The following AUH variants were observed in gnomAD, a reference collection of about 807,000 sequenced individuals.
AUH encodes the protein methylglutaconyl-CoA hydratase, mitochondrial.
In AUH, 29 loss-of-function variants were observed where a neutral mutation model predicts 42.3. The ratio of observed to expected loss-of-function variants is 0.69; its 90% CI spans 0.51 to 0.93. The LOEUF (loss-of-function observed/expected upper bound fraction) is 0.93, where lower values mean the gene tolerates loss of function less well. AUH is among the 40% of genes least tolerant of loss of function. AUH has a pLI of 0.00. For missense variants in AUH, 452 were observed against 438.1 expected (o/e 1.03, Z -0.28); for synonymous variants, 174 against 166.4 (o/e 1.05, Z -0.35).
chr9:91,249,725 GT>G (rs1317317967), intron 6 of AUH, among the ~76,000 whole-genome samples: 2 of 152,058 alleles, frequency 1.3e-5, no homozygotes, highest in African/African-American at 2.4e-5. Flanking sequence ...TAAATCAGGG[GT>G]TCTGGCCGGG....
intron 3 of AUH, 111 bp downstream of exon 3, chr9:91,355,772 G>A (rs1832361201): frequency 2.3e-6 from 2 of 888,594 alleles, no homozygotes; most frequent in Non-Finnish European, 3.7e-6. Flanking sequence ...CAGACAAAGA[G>A]GAGTTGTTGG....
chr9:91,323,562 G>A (rs770026372), intron 4 of AUH, among the ~76,000 whole-genome samples: 24 of 151,736 alleles, frequency 1.6e-4, no homozygotes, highest in Non-Finnish European at 2.9e-4. Context: ...TGCGGAGGTT[G>A]CAGTGAGCTG....
chr9:91,279,270 C>G lies in AUH; in HGVS notation c.655+16751G>C, dbSNP rs569433872. 6.6e-5 allele frequency among the ~76,000 whole-genome samples: 10 copies of G among 152,224 alleles called. No homozygotes were observed. In the East Asian group the frequency reaches 1.9e-3, roughly 29 times the overall value. On this transcript the variant is annotated intron_variant, in intron 6 of 9. Transcript: ENST00000375731. ...TATCCTAGTCAATTCTCACAACAAC[C>G]TATGATATAGGCATTATTATTATCT...
At chr9:91,223,731 AC>A (rs1399096465) in intron 6 of AUH, among the ~76,000 whole-genome samples, 4 of 151,902 alleles carry the variant, frequency 2.6e-5, no homozygotes, top group African/African-American at 9.7e-5. Flanking sequence ...ACCAACACTT[AC>A]TATTTTTTTT....
intron 6 of AUH, among the ~76,000 whole-genome samples, chr9:91,280,396 C>T (rs1825870656): frequency 6.6e-6 from 1 of 151,966 alleles, no homozygotes; most frequent in South Asian, 2.1e-4. Context: ...AAGTAACCTG[C>T]CACTCATAAA....
intron 9 of AUH, among the ~76,000 whole-genome samples, chr9:91,215,385 C>T (rs892925295): frequency 4.6e-5 from 7 of 152,064 alleles, no homozygotes; most frequent in Non-Finnish European, 8.8e-5. Flanking sequence ...CTACGCACAT[C>T]CTCCTGTATA....
intron 4 of AUH, among the ~76,000 whole-genome samples, chr9:91,311,239 AT>A (rs1828679720): frequency 6.6e-6 from 1 of 152,332 alleles, no homozygotes; most frequent in South Asian, 2.1e-4. Context: ...ATTTCTTTCT[AT>A]AAAACCTTAT....
chr9:91,228,570 T>C (rs1377456792), intron 6 of AUH, among the ~76,000 whole-genome samples: 2 of 146,938 alleles, frequency 1.4e-5, no homozygotes, highest in Admixed American at 1.4e-4. Context: ...CTGCTCTGAT[T>C]TTAGTTATTT....
In AUH at chr9:91,264,371, G is replaced by A. The variant is rs1273133699; in HGVS notation, c.655+31650C>T. 5.3e-5 allele frequency among the ~76,000 whole-genome samples: 8 copies of A among 152,038 alleles called. No individual in the cohort carries two copies. The East Asian group carries it at 1.5e-3, about 29-fold the overall frequency. ...AGGATTTCTAATTGCTTTTTTTCTG[G>A]GAGCATAAGGTTGAAGTGGAGATAG... On this transcript the variant is annotated intron_variant, in intron 6 of 9. Transcript: ENST00000375731.
chr9:91,336,224 CACAT>C (rs139334415), intron 3 of AUH, among the ~76,000 whole-genome samples: 3,821 of 152,232 alleles, frequency 0.025, 77 homozygotes, highest in East Asian at 0.066. Context: ...TATATACACA[CACAT>C]ACATACAAAC....
intron 5 of AUH, 29 bp from the exon 6 acceptor site, chr9:91,296,106 C>T (rs1564075132): frequency 1.9e-6 from 3 of 1,601,056 alleles, no homozygotes; most frequent in Admixed American, 1.7e-5. Flanking sequence ...AATTAAGTAT[C>T]ATCCATATCA....
intron 6 of AUH, among the ~76,000 whole-genome samples, chr9:91,257,667 A>T (rs1829478888): frequency 6.6e-6 from 1 of 152,224 alleles, no homozygotes; most frequent in Non-Finnish European, 1.5e-5. Context: ...CTGTTCTCAC[A>T]CTAGTATCCT....
intron 6 of AUH, among the ~76,000 whole-genome samples, chr9:91,252,298 T>C (rs978008790): frequency 1.3e-5 from 2 of 152,030 alleles, no homozygotes; most frequent in African/African-American, 4.8e-5. Context: ...GTAGTAGGCA[T>C]TTAAAAACAA....
chr9:91,269,194 T>C (rs1472663973), intron 6 of AUH, among the ~76,000 whole-genome samples: 1 of 152,164 alleles, frequency 6.6e-6, no homozygotes, highest in Non-Finnish European at 1.5e-5. Context: ...TTGGCCAGGC[T>C]GGTCTCGAAC....
intron 3 of AUH, among the ~76,000 whole-genome samples, chr9:91,332,393 T>C (rs935528400): frequency 3.9e-5 from 6 of 152,006 alleles, no homozygotes; most frequent in African/African-American, 7.2e-5. Context: ...TCTCGGCTAC[T>C]TGGGAGGCTG....
intron 6 of AUH, among the ~76,000 whole-genome samples, chr9:91,231,962 C>G (rs1435451040): frequency 1.3e-5 from 2 of 152,136 alleles, no homozygotes; most frequent in African/African-American, 4.8e-5. Flanking sequence ...CTCACAGCGA[C>G]CACAGTTAAT....
chr9:91,359,233 GA>G (rs1039072152), intron 1 of AUH, among the ~76,000 whole-genome samples: 3 of 152,126 alleles, frequency 2.0e-5, no homozygotes, highest in African/African-American at 7.2e-5. Context: ...TATACAAAAT[GA>G]AAAAATACAC....
intron 4 of AUH, among the ~76,000 whole-genome samples, chr9:91,320,580 T>A (rs1829491241): frequency 6.6e-6 from 1 of 152,258 alleles, no homozygotes; most frequent in Non-Finnish European, 1.5e-5. Flanking sequence ...AAGGCATCCC[T>A]GGAGTCTCTC....
chr9:91,215,478 GAAT>G (rs1306184231), intron 9 of AUH, among the ~76,000 whole-genome samples: 1 of 151,798 alleles, frequency 6.6e-6, no homozygotes, highest in Non-Finnish European at 1.5e-5. Flanking sequence ...ATTGTTCAGG[GAAT>G]AATAAGGAAA....
Sources: allele counts gnomAD v4.1 joint callset (sites outside exome capture counted in the v4.1 genomes callset), GRCh38; gene constraint gnomAD v4.1.1; transcripts MANE v1.5; gene names NCBI Gene and HGNC (gene_info 2026-07-23, HGNC 2026-07-21).